PRSS33: variants seen among roughly 807,000 people sequenced by gnomAD.
PRSS33 encodes serine protease 33.
A neutral mutation model predicts 26.7 loss-of-function variants in PRSS33; 32 were observed. The observed-to-expected ratio is 1.20, with a 90% CI of 0.90 to 1.61. The LOEUF (loss-of-function observed/expected upper bound fraction) is 1.61, where lower values mean the gene tolerates loss of function less well. Among genes scored for constraint, PRSS33 ranks in the 40% most tolerant of loss-of-function variants. PRSS33 has a pLI of 0.00. For missense variants in PRSS33, 450 were observed against 396.3 expected (o/e 1.14, Z -1.15); for synonymous variants, 192 against 177.6 (o/e 1.08, Z -0.64).
In PRSS33 at chr16:2,784,429, C is replaced by T. The variant is rs1321769889; in HGVS notation, c.*215G>A. 4.0e-6 allele frequency: 2 copies of T among 498,758 alleles called. No individual in the cohort carries two copies. The highest frequency in any genetic ancestry group is 7.1e-6 in the Non-Finnish European group (2 of 283,188). The allele number at this position is 498,758 out of a possible 1,614,324, so 30.9% of individuals were successfully genotyped here. On this transcript the variant is annotated 3_prime_UTR_variant, in exon 7 of 7. Coordinates refer to ENST00000682474, the MANE Select transcript of PRSS33 (RefSeq NM_152891.3). ...GAGTGTGACTCCCTGGGACTCATGG[C>T]AGATTCCTGGATGAGGGTTGGTGGA...
chr16:2,785,503 A>C lies in PRSS33; in HGVS notation c.386T>G (p.Leu129Arg). 1 of 1,522,962 alleles carries C rather than the reference A, an allele frequency of 6.6e-7. No homozygotes were observed. 94.3% of individuals were successfully genotyped at this position (1,522,962 alleles called of 1,614,324 possible). A position where few individuals can be genotyped will look rare whatever the true frequency, so the allele number is the denominator to read the frequency against. ...SEDGARGDLA[L>R]LQLRRPVPLS... is the part of the protein sequence containing the mutation. Reference sequence around the variant, plus strand: ...GGGCACCGGGCGACGCAGCTGCAGCAGTGCCAGGTCGCCGCGGGCCCCGTC... The same window carrying C: ...GGGCACCGGGCGACGCAGCTGCAGCCGTGCCAGGTCGCCGCGGGCCCCGTC... Residue 129 changes from leucine (L) to arginine (R), a missense_variant, in exon 5 of 7, where the codon CTG becomes CGG. By Grantham distance (102) the Leu-to-Arg change is moderately radical. Coordinates refer to ENST00000682474, the MANE Select transcript of PRSS33 (RefSeq NM_152891.3).
chr16:2,786,840 C>G (rs918054281), intron 1 of PRSS33: 2 of 317,234 alleles, frequency 6.3e-6, no homozygotes, highest in African/African-American at 4.5e-5. Context: ...AGCCTAACCC[C>G]CCTCGGTCAT....
Position 2,784,726 on chromosome 16 carries a change from C to G in PRSS33, c.761G>C (p.Gly254Ala), listed in dbSNP as rs761332164. 1 of 1,607,352 alleles carries G rather than the reference C, an allele frequency of 6.2e-7. No homozygotes were observed. Among genetic ancestry groups the G allele is most frequent in the East Asian group, 2.2e-5 (1 of 44,664 alleles). ...VLVGVVSWGK[G>A]CALPNRPGVY... Reference sequence around the variant, plus strand: ...CCCTGGACGGTTGGGCAGGGCACAACCCTTGCCCCAGCTCACCACGCCCAC... The same window carrying G: ...CCCTGGACGGTTGGGCAGGGCACAAGCCTTGCCCCAGCTCACCACGCCCAC... The change falls in exon 7 of 7, where the codon GGT (glycine) becomes GCT (alanine). Residue 254 changes from glycine to alanine, a missense_variant. Physicochemically the swap from Gly to Ala is moderately conservative, Grantham distance 60 (BLOSUM62 0). Coordinates refer to ENST00000682474, the MANE Select transcript of PRSS33 (RefSeq NM_152891.3).
chr16:2,787,743 T>A (rs1032373887), upstream of PRSS33: 1 of 152,402 alleles, frequency 6.6e-6, no homozygotes. Context: ...AAGCCTGCCT[T>A]GCGCCAAGGT....
At chr16:2,786,287 G>A (rs2150790257) in intron 2 of PRSS33, among the ~76,000 whole-genome samples, 166 bp from the exon 3 acceptor site, 1 of 152,190 alleles carries the variant, frequency 6.6e-6, no homozygotes, top group South Asian at 2.1e-4. Flanking sequence ...AGAGCACTGT[G>A]AAGGTGCAGG....
rs1340619736 is a variant in PRSS33 at position 2,785,049 on chromosome 16, C to T, written c.637G>A (p.Gly213Arg). 1 of 1,585,848 alleles carries T rather than the reference C, an allele frequency of 6.3e-7. No individual in the cohort carries two copies. The highest frequency in any genetic ancestry group is 1.8e-5 in the Admixed American group (1 of 56,202). Residue 213 changes from glycine to arginine, a missense_variant, in exon 6 of 7, where the codon GGG (glycine) becomes AGG (arginine). Coordinates refer to ENST00000682474, the MANE Select transcript of PRSS33 (RefSeq NM_152891.3). ...VPQAERIVLP[G>R]SLCAGYPQGH... ...TGGGGGTAGCCGGCACACAGACTCC[C>T]AGGCAGCACAATGCGCTCAGCCTGG...
At chr16:2,787,625 T>C (rs574972203), upstream of PRSS33, among the ~76,000 whole-genome samples, 20 of 150,390 alleles carry the variant, frequency 1.3e-4, no homozygotes, top group South Asian at 1.9e-3. Context: ...CAAGGAGTAA[T>C]GAACAGGGCC....
At chr16:2,786,390 G>C in intron 2 of PRSS33, 112 bp downstream of exon 2, 1 of 1,297,542 alleles carries the variant, frequency 7.7e-7, no homozygotes, top group East Asian at 2.5e-5. Flanking sequence ...TTGGAATCAA[G>C]ATTAGAAAGC....
rs1186395953 is a variant in PRSS33, at chr16:2,784,769, A to AC, written c.717dup (p.Ser240ValfsTer32). ...ACGCCCACCAGGACCCAGCTCCCAG[A>AC]CTGCAGGCAGGTCAGAGGTCCCCCA... On this transcript the variant is annotated frameshift_variant, in exon 7 of 7. Coordinates refer to ENST00000682474, the MANE Select transcript of PRSS33 (RefSeq NM_152891.3). LOFTEE classifies it low-confidence loss of function (END_TRUNC). 9.9e-6 allele frequency: 16 copies of AC among 1,609,290 alleles called. No individual in the cohort carries two copies. The highest frequency in any genetic ancestry group is 1.4e-5 in the Non-Finnish European group (16 of 1,178,192).
At chr16:2,786,022 TTGG>T in intron 3 of PRSS33, 61 bp from the exon 4 acceptor site, 7 of 1,611,712 alleles carry the variant, frequency 4.3e-6, no homozygotes, top group Non-Finnish European at 5.9e-6. Flanking sequence ...GAGGCAGGTG[TTGG>T]TGGGGAGACA....
In PRSS33 at chr16:2,785,150, G is replaced by A. The variant is rs1355695706; in HGVS notation, c.536C>T (p.Pro179Leu). 1.3e-6 allele frequency: 2 copies of A among 1,541,112 alleles called. No individual in the cohort carries two copies. Among genetic ancestry groups the A allele is most frequent in the Admixed American group, 2.0e-5 (1 of 50,980 alleles). Reference sequence around the variant, plus strand: ...CAGCGGCACCCTTACTCCTTGTAGCGGTCGCCACTCTGGGAGGGGCACTGG... The same window carrying A: ...CAGCGGCACCCTTACTCCTTGTAGCAGTCGCCACTCTGGGAGGGGCACTGG... ...RPGVPLPEWRPLQGVRVPLLD... is the reference protein window; with the variant it reads ...RPGVPLPEWRLLQGVRVPLLD... Residue 179 changes from proline to leucine, a missense_variant, in exon 6 of 7, where the codon CCG (proline) becomes CTG (leucine). Pro to Leu is a moderately conservative substitution (Grantham distance 98, BLOSUM62 -3). Coordinates refer to ENST00000682474, the MANE Select transcript of PRSS33 (RefSeq NM_152891.3).
intron 2 of PRSS33, 47 bp from the exon 3 acceptor site, chr16:2,786,168 A>G (rs761192519): frequency 1.9e-6 from 3 of 1,551,408 alleles, no homozygotes; most frequent in Non-Finnish European, 2.7e-6. Context: ...TTTGGTGTCA[A>G]ATAACGGAGT....
chr16:2,784,798 T>G lies in PRSS33; in HGVS notation c.689A>C (p.Asp230Ala). The stretch of plus-strand genomic sequence containing the variant: ...CAGGCAGGTCAGAGGTCCCCCAGAA[T>G]CACCCTGCAGGAGAAAGAGGAGCCT... ...PQGHKDACQG[D>A]SGGPLTCLQS... Residue 230 changes from aspartate (D) to alanine (A), a missense_variant, in exon 7 of 7, where the codon GAT becomes GCT. Transcript: ENST00000682474. 6 of 1,606,034 alleles carry G rather than the reference T, an allele frequency of 3.7e-6. No homozygotes were observed. The highest frequency in any genetic ancestry group is 5.1e-6 in the Non-Finnish European group (6 of 1,176,372).
Position 2,784,991 on chromosome 16 carries a change from T to G in PRSS33, c.684+11A>C, listed in dbSNP as rs1397214945. On this transcript the variant is annotated intron_variant, in intron 6 of 6. Coordinates refer to ENST00000682474, the MANE Select transcript of PRSS33 (RefSeq NM_152891.3). ...AGGGGACTCCGGAGGCTGGGGAGGCTGGGTGCACACCTGGCAGGCGTCCTT... is the reference window on the plus strand; with the variant it reads ...AGGGGACTCCGGAGGCTGGGGAGGCGGGGTGCACACCTGGCAGGCGTCCTT... The G allele has an allele frequency of 6.3e-7, 1 of 1,596,480 alleles. No homozygotes were observed. The highest frequency in any genetic ancestry group is 1.3e-5 in the African/African-American group (1 of 74,674).
chr16:2,785,268 G>A, intron 5 of PRSS33, 97 bp from the exon 6 acceptor site: 1 of 1,446,046 alleles, frequency 6.9e-7, no homozygotes, highest in Non-Finnish European at 9.2e-7. Flanking sequence ...TTCCCTAGAA[G>A]CCGCGCTGGG....
At chr16:2,785,260 C>G (rs1196792998) in intron 5 of PRSS33, 89 bp from the exon 6 acceptor site, 2 of 1,445,058 alleles carry the variant, frequency 1.4e-6, no homozygotes, top group African/African-American at 1.4e-5. Flanking sequence ...AGGTTTTGTT[C>G]CCTAGAAGCC....
chr16:2,785,910 C>G lies in PRSS33; in HGVS notation c.131G>C (p.Arg44Pro). ...CGCCTGCCACGGCCACTCTCCGTCCCGGCCATCCCGGCCCCCAACGATCCG... is the reference window on the plus strand; with the variant it reads ...CGCCTGCCACGGCCACTCTCCGTCCGGGCCATCCCGGCCCCCAACGATCCG... ...SSRIVGGRDG[R>P]DGEWPWQASI... The change falls in exon 4 of 7, where the codon CGG becomes CCG. Residue 44 changes from arginine to proline, a missense_variant. Coordinates refer to ENST00000682474, the MANE Select transcript of PRSS33 (RefSeq NM_152891.3). 6.2e-7 allele frequency: 1 copy of G among 1,611,714 alleles called. No homozygotes were observed. The highest frequency in any genetic ancestry group is 8.5e-7 in the Non-Finnish European group (1 of 1,179,566).
At chr16:2,784,839 C>G in intron 6 of PRSS33, 37 bp from the exon 7 acceptor site, 1 of 1,568,876 alleles carries the variant, frequency 6.4e-7, no homozygotes, top group East Asian at 2.3e-5. Flanking sequence ...CCAGCCCTCC[C>G]AGGACTTCAG....
At chr16:2,786,730 G>A (rs2068878218) in intron 1 of PRSS33, 126 bp from the exon 2 acceptor site, 1 of 646,890 alleles carries the variant, frequency 1.5e-6, no homozygotes, top group Non-Finnish European at 2.6e-6. Context: ...GACTTATCCT[G>A]GTGGCCCAGG....
Sources: gnomAD v4.1 joint callset for allele counts (sites outside exome capture counted in the v4.1 genomes callset) on GRCh38, gnomAD v4.1.1 for gene constraint, MANE v1.5 for transcripts, NCBI Gene and HGNC (gene_info 2026-07-23, HGNC 2026-07-21) for gene names.